The following SHISA6 variants were observed in gnomAD, a reference collection of about 807,000 sequenced individuals.
SHISA6 encodes the protein protein shisa-6.
SHISA6 carries 22 observed loss-of-function variants against 47.9 expected under a neutral mutation model. The observed-to-expected ratio is 0.46, with a 90% CI of 0.33 to 0.66. SHISA6 has a LOEUF of 0.66. SHISA6 is among the 30% of genes least tolerant of loss of function. The pLI is 0.02. For missense variants in SHISA6, 680 were observed against 764.6 expected (o/e 0.89, Z 1.30); for synonymous variants, 388 against 337.8 (o/e 1.15, Z -1.63).
At chr17:11,535,596 C>T (rs1057389641) in intron 3 of SHISA6, among the ~76,000 whole-genome samples, 5 of 152,188 alleles carry the variant, frequency 3.3e-5, no homozygotes, top group African/African-American at 1.2e-4. Context: ...AGTGTGCAAA[C>T]CTAGATCCCA....
At chr17:11,314,622 G>A (rs1029015348) in intron 2 of SHISA6, among the ~76,000 whole-genome samples, 8 of 149,558 alleles carry the variant, frequency 5.3e-5, no homozygotes, top group Admixed American at 2.1e-4. Context: ...TGCAACCTCC[G>A]TCTCCCGGAT....
chr17:11,421,094 G>A (rs190102123), intron 3 of SHISA6, among the ~76,000 whole-genome samples: 1 of 152,218 alleles, frequency 6.6e-6, no homozygotes, highest in African/African-American at 2.4e-5. Context: ...ATTTCAATTT[G>A]TTCAGTCTTG....
chr17:11,512,847 G>A (rs2071552450), intron 3 of SHISA6, among the ~76,000 whole-genome samples: 1 of 151,974 alleles, frequency 6.6e-6, no homozygotes, highest in South Asian at 2.1e-4. Flanking sequence ...TAAAGGCTGA[G>A]GGATCGTCTA....
At chr17:11,482,141 G>T (rs190157873) in intron 3 of SHISA6, among the ~76,000 whole-genome samples, 1 of 152,092 alleles carries the variant, frequency 6.6e-6, no homozygotes, top group Non-Finnish European at 1.5e-5. Flanking sequence ...AGAAAACTTA[G>T]ATGAATTTAG....
chr17:11,396,364 T>A (rs1913572288), intron 3 of SHISA6, among the ~76,000 whole-genome samples: 1 of 152,274 alleles, frequency 6.6e-6, no homozygotes, highest in African/African-American at 2.4e-5. Context: ...TTATCCTGTT[T>A]AGTATCAATG....
At chr17:11,372,441 G>T (rs898309298) in intron 2 of SHISA6, among the ~76,000 whole-genome samples, 2 of 152,120 alleles carry the variant, frequency 1.3e-5, no homozygotes, top group African/African-American at 4.8e-5. Flanking sequence ...TTCTAAAAAG[G>T]TATCTTATAT....
chr17:11,293,048 C>T (rs1357444499), intron 2 of SHISA6, among the ~76,000 whole-genome samples: 1 of 152,050 alleles, frequency 6.6e-6, no homozygotes, highest in African/African-American at 2.4e-5. Context: ...TGGTGTTGAA[C>T]TCCCGACCTC....
At chr17:11,327,596 A>G (rs951321519) in intron 2 of SHISA6, among the ~76,000 whole-genome samples, 1 of 152,242 alleles carries the variant, frequency 6.6e-6, no homozygotes, top group East Asian at 1.9e-4. Flanking sequence ...CAGGAGTTCT[A>G]TTCCAGACTG....
At chr17:11,336,669 G>T (rs1457245624) in intron 2 of SHISA6, among the ~76,000 whole-genome samples, 1 of 152,216 alleles carries the variant, frequency 6.6e-6, no homozygotes, top group African/African-American at 2.4e-5. Flanking sequence ...TGATTGGACA[G>T]AAACTGAGCC....
At chr17:11,376,033 T>G (rs986040345) in intron 2 of SHISA6, among the ~76,000 whole-genome samples, 1 of 152,142 alleles carries the variant, frequency 6.6e-6, no homozygotes, top group African/African-American at 2.4e-5. Flanking sequence ...TGGCTTAACT[T>G]CTGTTCAGAG....
At chr17:11,408,637 C>G (rs1914029350) in intron 3 of SHISA6, among the ~76,000 whole-genome samples, 3 of 152,178 alleles carry the variant, frequency 2.0e-5, no homozygotes, top group Admixed American at 2.0e-4. Flanking sequence ...TTGTAAGAAG[C>G]TAGACATAAA....
At chr17:11,298,261 T>C (rs1025647165) in intron 2 of SHISA6, among the ~76,000 whole-genome samples, 1 of 152,196 alleles carries the variant, frequency 6.6e-6, no homozygotes, top group Admixed American at 6.5e-5. Flanking sequence ...GCCTCTAGCC[T>C]GGAACCAGAA....
intron 2 of SHISA6, among the ~76,000 whole-genome samples, chr17:11,350,192 T>TA (rs1911835157): frequency 7.2e-6 from 1 of 138,084 alleles, no homozygotes; most frequent in Admixed American, 7.4e-5. Flanking sequence ...ATTTTTTTTT[T>TA]TTTTTGAGAC....
intron 3 of SHISA6, among the ~76,000 whole-genome samples, chr17:11,403,103 A>G (rs1308069163): frequency 4.6e-5 from 7 of 152,138 alleles, no homozygotes; most frequent in African/African-American, 1.7e-4. Context: ...TTTCTTGGAG[A>G]TTATGCTAAT....
intron 3 of SHISA6, among the ~76,000 whole-genome samples, chr17:11,387,268 G>A (rs1272773077): frequency 2.0e-5 from 3 of 152,136 alleles, no homozygotes; most frequent in African/African-American, 7.2e-5. Flanking sequence ...GCCCAGACAG[G>A]CACTCCATGG....
chr17:11,461,802 G>A (rs183132838), intron 3 of SHISA6, among the ~76,000 whole-genome samples: 83 of 152,240 alleles, frequency 5.5e-4, no homozygotes, highest in Non-Finnish European at 5.0e-4. Context: ...TGTGGGCTCT[G>A]GATTGGTCAG....
intron 3 of SHISA6, among the ~76,000 whole-genome samples, chr17:11,431,446 G>T (rs186348800): frequency 1.3e-5 from 2 of 152,308 alleles, no homozygotes; most frequent in East Asian, 3.9e-4. Flanking sequence ...CTGAGTAAAA[G>T]ATGTAATATT....
intron 3 of SHISA6, among the ~76,000 whole-genome samples, chr17:11,473,711 C>G (rs1367900543): frequency 1.3e-5 from 2 of 152,012 alleles, no homozygotes; most frequent in Non-Finnish European, 2.9e-5. Context: ...ACCTCTTTCT[C>G]TCTCTCCTCT....
At chr17:11,284,910 T>G in intron 2 of SHISA6, among the ~76,000 whole-genome samples, 1 of 152,212 alleles carries the variant, frequency 6.6e-6, no homozygotes, top group Non-Finnish European at 1.5e-5. Context: ...CTACTTCTTC[T>G]AACCACAGTT....
Sources: allele counts gnomAD v4.1 joint callset (sites outside exome capture counted in the v4.1 genomes callset), GRCh38; gene constraint gnomAD v4.1.1; transcripts MANE v1.5; gene names NCBI Gene and HGNC (gene_info 2026-07-23, HGNC 2026-07-21).